MTOR: variants seen among roughly 807,000 people sequenced by gnomAD.
MTOR encodes the protein mechanistic target of rapamycin kinase.
MTOR carries 70 observed loss-of-function variants against 319.8 expected under a neutral mutation model. The observed-to-expected ratio is 0.22, with a 90% confidence interval of 0.18 to 0.27. MTOR has a LOEUF of 0.27. Ranked by LOEUF, MTOR falls within the 10% of genes least tolerant of loss-of-function variation. MTOR has a pLI of 1.00. For missense variants in MTOR, 1,890 were observed against 3,274.4 expected, an observed-to-expected ratio of 0.58 and a Z score of 10.32; for synonymous variants, 1,183 against 1,211.4, an observed-to-expected ratio of 0.98 and a Z score of 0.49.
intron 36 of MTOR, among the ~76,000 whole-genome samples, chr1:11,135,087 C>T (rs935103025): frequency 4.6e-5 from 7 of 152,116 alleles, no homozygotes; most frequent in Non-Finnish European, 7.3e-5. Flanking sequence ...TTTATACTAC[C>T]GGCTTGTATA....
chr1:11,257,498 G>C (rs1215363948), intron 3 of MTOR, among the ~76,000 whole-genome samples: 1 of 149,630 alleles, frequency 6.7e-6, no homozygotes, highest in African/African-American at 2.5e-5. Flanking sequence ...GGGAGGCAGA[G>C]GTTGCAGTAA....
chr1:11,152,587 G>T (rs1644184996), intron 30 of MTOR: 1 of 152,068 alleles, frequency 6.6e-6, no homozygotes, highest in Non-Finnish European at 1.5e-5. Context: ...TTGGCTGCAG[G>T]CGTGGCTGCC....
chr1:11,213,627 A>T (rs1646377956), intron 20 of MTOR, 61 bp from the exon 21 acceptor site: 4 of 1,537,710 alleles, frequency 2.6e-6, no homozygotes, highest in Middle Eastern at 1.8e-4. Context: ...TATATGAACA[A>T]AGGAATCAAG....
intron 18 of MTOR, among the ~76,000 whole-genome samples, chr1:11,230,574 T>C (rs1646982791): frequency 6.6e-6 from 1 of 152,148 alleles, no homozygotes; most frequent in South Asian, 2.1e-4. Context: ...TCTTCTTCTG[T>C]AGATACCATG....
chr1:11,187,012 C>T (rs1029151545), intron 28 of MTOR, among the ~76,000 whole-genome samples: 5 of 152,164 alleles, frequency 3.3e-5, no homozygotes, highest in East Asian at 1.9e-4. Context: ...TACAAACTTA[C>T]GAACCTCCTC....
intron 19 of MTOR, among the ~76,000 whole-genome samples, chr1:11,224,156 T>G (rs1646755606): frequency 6.6e-6 from 1 of 151,970 alleles, no homozygotes; most frequent in South Asian, 2.1e-4. Flanking sequence ...AGACAAACAT[T>G]TTTAAATTGG....
At position 11,212,768 on chromosome 1, in the gene MTOR, T is replaced by C; in HGVS notation, c.3398+28A>G. 1 of 1,536,102 alleles carries C rather than the reference T, an allele frequency of 6.5e-7. No homozygotes were observed. Among genetic ancestry groups the C allele is most frequent in the South Asian group, 1.1e-5 (1 of 89,376 alleles). Reference sequence around the variant, plus strand: ...TCAACAAAACATTAAAGCTTAAAGATTGCTAGTCCCAAAGAGGAGGTGCTC... The same window carrying C: ...TCAACAAAACATTAAAGCTTAAAGACTGCTAGTCCCAAAGAGGAGGTGCTC... On this transcript the variant is annotated intron_variant, in intron 22 of 57. Transcript: ENST00000361445. This position sits in a 1 kb window ranked among gnomAD's most constrained non-coding sequence, Gnocchi z 4.1.
At chr1:11,180,784 T>G (rs1645121536) in intron 28 of MTOR, among the ~76,000 whole-genome samples, 1 of 151,184 alleles carries the variant, frequency 6.6e-6, no homozygotes, top group South Asian at 2.1e-4. Flanking sequence ...AAGGCAGGTT[T>G]TTTTTTTTTT....
At chr1:11,119,197 G>A (rs1042081972) in intron 49 of MTOR, among the ~76,000 whole-genome samples, 1 of 152,016 alleles carries the variant, frequency 6.6e-6, no homozygotes, top group Non-Finnish European at 1.5e-5. Flanking sequence ...TTGGGAGGCT[G>A]AGAAGGGCGG....
chr1:11,243,431 C>G, intron 8 of MTOR, 131 bp from the exon 9 acceptor site: 1 of 816,940 alleles, frequency 1.2e-6, no homozygotes. Context: ...GTGGCTCACA[C>G]CTGTAATCCC....
At position 11,115,823 on chromosome 1, in the gene MTOR, T is replaced by G. The variant is rs1350479957; in HGVS notation, c.7017-355A>C. On this transcript the variant is annotated intron_variant, in intron 50 of 57. Coordinates refer to ENST00000361445, the MANE Select transcript of MTOR (RefSeq NM_004958.4). The surrounding 1 kb of genome is among the most constrained non-coding windows in gnomAD (Gnocchi z 4.5). ...TGAATCACAGGTTGTCCCACTGTAC[T>G]GAGATACTGTGCTTTTCTGAGGTCT... is the stretch of plus-strand genomic sequence containing the variant. Among the ~76,000 whole-genome samples, 1 of 152,210 alleles carries G rather than the reference T, an allele frequency of 6.6e-6. No individual in the cohort carries two copies. Among genetic ancestry groups the G allele is most frequent in the Non-Finnish European group, 1.5e-5 (1 of 68,026 alleles).
rs28991007 is a variant in MTOR at position 11,193,367 on chromosome 1, G to A, written c.4253+5891C>T. Reference sequence around the variant, plus strand: ...CCAAGCTTCATGTGCACTCACCCCCGGGCCCAATTTGCATCGTTCTTCCAG... The same window carrying A: ...CCAAGCTTCATGTGCACTCACCCCCAGGCCCAATTTGCATCGTTCTTCCAG... On this transcript the variant is annotated intron_variant, in intron 28 of 57. Transcript: ENST00000361445. Among the ~76,000 whole-genome samples, 222 of 151,244 alleles carry A rather than the reference G, an allele frequency of 1.5e-3. 1 individual carries two copies. The highest frequency in any genetic ancestry group is 2.4e-3 in the Non-Finnish European group (165 of 67,876).
intron 34 of MTOR, among the ~76,000 whole-genome samples, chr1:11,141,375 T>C (rs931072343): frequency 2.0e-5 from 3 of 151,682 alleles, no homozygotes; most frequent in African/African-American, 7.3e-5. Context: ...AGCCTCCCAA[T>C]GTGCTGGGAT....
chr1:11,109,258 G>A lies in MTOR; in HGVS notation c.7528+32C>T, dbSNP rs371997238. Reference sequence around the variant, plus strand: ...AGAGGAAAGTGTGCTCAGATTTTATGTCCCTTTTAAGTAAACACATGACAC... The same window carrying A: ...AGAGGAAAGTGTGCTCAGATTTTATATCCCTTTTAAGTAAACACATGACAC... On this transcript the variant is annotated intron_variant, in intron 56 of 57. Coordinates refer to ENST00000361445, the MANE Select transcript of MTOR (RefSeq NM_004958.4). The surrounding 1 kb of genome is among the most constrained non-coding windows in gnomAD (Gnocchi z 4.0). 1.9e-6 allele frequency: 3 copies of A among 1,597,134 alleles called. No homozygotes were observed. In the African/African-American group the frequency reaches 4.0e-5, roughly 21 times the overall value.
chr1:11,204,375 T>A (rs1445897676), intron 26 of MTOR, among the ~76,000 whole-genome samples, 186 bp downstream of exon 26: 1 of 152,264 alleles, frequency 6.6e-6, no homozygotes, highest in Admixed American at 6.5e-5. Context: ...ATTTGTGGTC[T>A]ACTAGCAAGG....
intron 28 of MTOR, among the ~76,000 whole-genome samples, chr1:11,198,553 C>T (rs779458136): frequency 1.3e-4 from 20 of 152,080 alleles, no homozygotes; most frequent in Non-Finnish European, 2.4e-4. Context: ...GTGAAATGAC[C>T]GACCATTTAG....
intron 39 of MTOR, among the ~76,000 whole-genome samples, 176 bp from the exon 40 acceptor site, chr1:11,130,014 CA>C (rs1245354870): frequency 6.6e-6 from 1 of 152,224 alleles, no homozygotes; most frequent in Non-Finnish European, 1.5e-5. Context: ...CAATAAATGG[CA>C]ACTGTATCAT....
At position 11,134,403 on chromosome 1, in the gene MTOR, T is replaced by A; in HGVS notation, c.5194A>T (p.Ile1732Phe). The A allele has an allele frequency of 6.2e-7, 1 of 1,614,208 alleles. No homozygotes were observed. Among genetic ancestry groups the A allele is most frequent in the Non-Finnish European group, 8.5e-7 (1 of 1,180,042 alleles). ...QTMQQQAQHA[I>F]ATEDQQHKQE... ...TTATGCTGCTGGTCCTCAGTAGCGA[T>A]GGCATGCTGGGCCTGTTGCTGCATG... Residue 1732 changes from isoleucine (I) to phenylalanine (F), a missense_variant, in exon 37 of 58, where the codon ATC (isoleucine) becomes TTC (phenylalanine). Physicochemically the swap from Ile to Phe is conservative, Grantham distance 21. Around this residue, in one of 15 missense-constraint regions of MTOR, gnomAD observed 276 missense variants for 459.4 expected, o/e 0.60. Transcript: ENST00000361445.
intron 34 of MTOR, among the ~76,000 whole-genome samples, chr1:11,142,482 G>A (rs1186261656): frequency 6.6e-6 from 1 of 151,688 alleles, no homozygotes; most frequent in African/African-American, 2.4e-5. Context: ...TTTTAGCAGA[G>A]AGGGGGTTTC....
Sources: allele counts gnomAD v4.1 joint callset (sites outside exome capture counted in the v4.1 genomes callset), GRCh38; gene constraint gnomAD v4.1.1; regional missense constraint gnomAD v4.1.1; non-coding constraint Gnocchi (gnomAD v3.1); transcripts MANE v1.5; gene names NCBI Gene and HGNC (gene_info 2026-07-23, HGNC 2026-07-21).